The following SLIT1 variants were observed in gnomAD, a reference collection of about 807,000 sequenced individuals.
The protein encoded by SLIT1 is slit guidance ligand 1.
A neutral mutation model predicts 186.1 loss-of-function variants in SLIT1; 66 were observed. The observed-to-expected ratio is 0.35, with a 90% confidence interval of 0.29 to 0.44. The LOEUF is 0.44. Ranked by LOEUF, SLIT1 falls within the 20% of genes least tolerant of loss-of-function variation. SLIT1 has a pLI of 1.00. For missense variants in SLIT1, 1,638 were observed against 2,037.4 expected (o/e 0.80, Z 3.77); for synonymous variants, 761 against 833.8 (o/e 0.91, Z 1.50).
chr10:97,134,405 G>A (rs1849682505), intron 4 of SLIT1, among the ~76,000 whole-genome samples: 1 of 152,182 alleles, frequency 6.6e-6, no homozygotes, highest in Non-Finnish European at 1.5e-5. Flanking sequence ...CAGGAACAAT[G>A]GCCCCTGGGA....
chr10:97,055,495 G>A (rs1848828491), intron 13 of SLIT1, among the ~76,000 whole-genome samples: 1 of 152,026 alleles, frequency 6.6e-6, no homozygotes, highest in African/African-American at 2.4e-5. Flanking sequence ...CCAGGTAGCT[G>A]GGACTACAGG....
intron 4 of SLIT1, among the ~76,000 whole-genome samples, chr10:97,106,637 AGTT>A (rs1453760710): frequency 2.9e-5 from 4 of 137,652 alleles, no homozygotes; most frequent in Non-Finnish European, 6.2e-5. Context: ...AACAAATTAA[AGTT>A]GTTTTTTTTT....
intron 4 of SLIT1, among the ~76,000 whole-genome samples, chr10:97,076,572 T>C (rs890980991): frequency 3.9e-5 from 6 of 152,204 alleles, no homozygotes; most frequent in African/African-American, 1.4e-4. Context: ...GCCCCAGATC[T>C]ACCCTGTGTG....
At chr10:97,123,823 A>G (rs1209481674) in intron 4 of SLIT1, among the ~76,000 whole-genome samples, 1 of 151,440 alleles carries the variant, frequency 6.6e-6, no homozygotes, top group Non-Finnish European at 1.5e-5. Flanking sequence ...CAGAGTAGAA[A>G]CATAGTGCAG....
At chr10:97,156,306 A>C (rs981200461) in intron 4 of SLIT1, among the ~76,000 whole-genome samples, 2 of 152,218 alleles carry the variant, frequency 1.3e-5, no homozygotes, top group Non-Finnish European at 2.9e-5. Flanking sequence ...GGCCAGGTGC[A>C]GTGGTTCACG....
Position 97,121,902 on chromosome 10 carries a change from T to C in SLIT1, c.413+35916A>G, listed in dbSNP as rs117352460. Reference sequence around the variant, plus strand: ...TTATTGAGCACGCGCTACCTGATCATTGCTATAATATATTCCTGGATTATC... The same window carrying C: ...TTATTGAGCACGCGCTACCTGATCACTGCTATAATATATTCCTGGATTATC... On this transcript the variant is annotated intron_variant, in intron 4 of 36. Coordinates refer to ENST00000266058, the MANE Select transcript of SLIT1 (RefSeq NM_003061.3). Among the ~76,000 whole-genome samples the C allele has an allele frequency of 1.6e-3, 242 of 152,344 alleles. 3 individuals carry two copies. In the East Asian group the frequency reaches 0.037, roughly 24 times the overall value.
Position 97,019,072 on chromosome 10 carries a change from G to C in SLIT1, c.2782C>G (p.Leu928Val), listed in dbSNP as rs930931869. 6.8e-5 allele frequency: 109 copies of C among 1,613,038 alleles called. No individual in the cohort carries two copies. The highest frequency in any genetic ancestry group is 9.0e-5 in the Non-Finnish European group (106 of 1,179,472). Residue 928 changes from leucine to valine, a missense_variant, in exon 27 of 37, where the codon CTC becomes GTC. This residue lies in a region of SLIT1 where 1,245 missense variants were observed against 1,535.3 expected (regional missense o/e 0.81). Transcript: ENST00000266058. Reference sequence around the variant, plus strand: ...TTCTGGCACGGACTGGACAAGCAGAGATCACACTTGGCCTGGACAGCCAGC... The same window carrying C: ...TTCTGGCACGGACTGGACAAGCAGACATCACACTTGGCCTGGACAGCCAGC... Reference protein sequence around the residue: ...PTLAVQAKCDLCLSSPCQNQG... With the variant: ...PTLAVQAKCDVCLSSPCQNQG...
chr10:97,025,885 G>A (rs571200704), intron 25 of SLIT1, among the ~76,000 whole-genome samples: 5 of 152,234 alleles, frequency 3.3e-5, no homozygotes, highest in Admixed American at 3.3e-4. Context: ...CTATCTGTGC[G>A]CATCACTGTC....
At position 97,175,452 on chromosome 10, in the gene SLIT1, T is replaced by C. The variant is rs193102877; in HGVS notation, c.197+10026A>G. ...GTCATATGGTGATTCTACTGTTGATTTTTTGAGGAACCGCCATACTGTTTT... is the reference window on the plus strand; with the variant it reads ...GTCATATGGTGATTCTACTGTTGATCTTTTGAGGAACCGCCATACTGTTTT... On this transcript the variant is annotated intron_variant, in intron 1 of 36. Coordinates refer to ENST00000266058, the MANE Select transcript of SLIT1 (RefSeq NM_003061.3). Among the ~76,000 whole-genome samples the C allele has an allele frequency of 4.9e-3, 746 of 152,288 alleles. 9 individuals are homozygous for C. The highest frequency in any genetic ancestry group is 0.018 in the African/African-American group (730 of 41,554).
At chr10:97,033,906 C>T (rs568443744) in intron 23 of SLIT1, among the ~76,000 whole-genome samples, 2 of 150,482 alleles carry the variant, frequency 1.3e-5, no homozygotes, top group African/African-American at 4.9e-5. Flanking sequence ...GCTCTATCAC[C>T]CAGGCTGGAG....
Position 97,047,990 on chromosome 10 carries a change from T to C in SLIT1, c.1472A>G (p.Glu491Gly). 1 of 1,614,128 alleles carries C rather than the reference T, an allele frequency of 6.2e-7. No homozygotes were observed. Among genetic ancestry groups the C allele is most frequent in the East Asian group, 2.2e-5 (1 of 44,886 alleles). ...TCTCCTACCTGGAATGAAGTACTGCTCTTTGGCTGGGAAGAGAAGCAGAAA... is the reference window on the plus strand; with the variant it reads ...TCTCCTACCTGGAATGAAGTACTGCCCTTTGGCTGGGAAGAGAAGCAGAAA... ...KSKKFRCSAK[E>G]QYFIPGTEDY... Residue 491 changes from glutamate (E) to glycine (G), a missense_variant, in exon 15 of 37, where the codon GAG becomes GGG. By Grantham distance (98) the Glu-to-Gly change is moderately conservative (BLOSUM62 -2). Coordinates refer to ENST00000266058, the MANE Select transcript of SLIT1 (RefSeq NM_003061.3).
intron 18 of SLIT1, 62 bp downstream of exon 18, chr10:97,046,592 T>A: frequency 6.7e-7 from 1 of 1,499,750 alleles, no homozygotes; most frequent in South Asian, 1.3e-5. Flanking sequence ...TCTCTTCCTT[T>A]CCCTTGGCTT....
At chr10:97,117,745 A>G (rs1220052590) in intron 4 of SLIT1, among the ~76,000 whole-genome samples, 1 of 152,226 alleles carries the variant, frequency 6.6e-6, no homozygotes, top group Non-Finnish European at 1.5e-5. Context: ...ACTAAGATCC[A>G]CTTCTGGCTC....
intron 1 of SLIT1, among the ~76,000 whole-genome samples, chr10:97,178,730 A>G (rs878865142): frequency 2.0e-5 from 3 of 152,178 alleles, no homozygotes; most frequent in Admixed American, 2.0e-4. Context: ...GCTATTCTTA[A>G]AAGGTTCAGA....
rs923070272 is a variant in SLIT1, at chr10:97,163,387, C to T, written c.334G>A (p.Glu112Lys). The change falls in exon 3 of 37, where the codon GAG becomes AAG. Residue 112 changes from glutamate (E) to lysine (K), a missense_variant. Coordinates refer to ENST00000266058, the MANE Select transcript of SLIT1 (RefSeq NM_003061.3). ...RGAFDDMKEL[E>K]RLRLNRNQLH... is the part of the protein sequence containing the mutation. ...CACCCTGCCAGGACTCACAGCCGCTCCAGCTCCTTCATGTCATCAAAAGCA... is the reference window on the plus strand; with the variant it reads ...CACCCTGCCAGGACTCACAGCCGCTTCAGCTCCTTCATGTCATCAAAAGCA... The T allele has an allele frequency of 6.2e-7, 1 of 1,614,096 alleles. No individual in the cohort carries two copies. The highest frequency in any genetic ancestry group is 8.5e-7 in the Non-Finnish European group (1 of 1,179,936).
At chr10:97,060,549 G>A in intron 9 of SLIT1, 91 bp downstream of exon 9, 1 of 1,518,056 alleles carries the variant, frequency 6.6e-7, no homozygotes, top group Non-Finnish European at 9.0e-7. Context: ...GGCAAGCCCT[G>A]AGGCAGCGCC....
chr10:97,038,724 C>A (rs927863836), intron 21 of SLIT1, among the ~76,000 whole-genome samples: 6 of 152,138 alleles, frequency 3.9e-5, no homozygotes, highest in Non-Finnish European at 8.8e-5. Context: ...CTTCCCAAAG[C>A]CCCAGAGAGG....
chr10:97,034,536 C>T lies in SLIT1; in HGVS notation c.2373G>A (p.Leu791=), dbSNP rs1164736030. Residue 791 remains leucine (L), a synonymous_variant, in exon 23 of 37, where the codon CTG becomes CTA. Transcript: ENST00000266058. ...STFKYLQLVD[L]SNNKISSLSN... ...TTAAGGAACTGATCTTGTTGTTGCT[C>T]AGGTCCCTGGAAAAGGCAAAGGCAT... The T allele has an allele frequency of 4.3e-6, 7 of 1,613,372 alleles. No homozygotes were observed. The East Asian group carries it at 1.6e-4, about 36-fold the overall frequency.
Position 97,057,252 on chromosome 10 carries a change from A to C in SLIT1, c.1115T>G (p.Leu372Arg). The C allele has an allele frequency of 6.2e-7, 1 of 1,613,842 alleles. No homozygotes were observed. Among genetic ancestry groups the C allele is most frequent in the Non-Finnish European group, 8.5e-7 (1 of 1,179,858 alleles). ...LVLYGNKITD[L>R]PRGVFGGLYT... The stretch of plus-strand genomic sequence containing the variant: ...TAGGCCTCCAAACACACCACGGGGG[A>C]GGTCTGTGATCTTGTTTCCATAGAG... The change falls in exon 12 of 37, where the codon CTC becomes CGC. Residue 372 changes from leucine to arginine, a missense_variant. By Grantham distance (102) the Leu-to-Arg change is moderately radical. This residue lies in a region of SLIT1 where 1,245 missense variants were observed against 1,535.3 expected (regional missense o/e 0.81). Transcript: ENST00000266058.
Sources: gnomAD v4.1 joint callset for allele counts (sites outside exome capture counted in the v4.1 genomes callset) on GRCh38, gnomAD v4.1.1 for gene constraint, gnomAD v4.1.1 regional missense constraint, MANE v1.5 for transcripts, NCBI Gene and HGNC (gene_info 2026-07-23, HGNC 2026-07-21) for gene names.